The following PPA2 variants were observed in gnomAD, a reference collection of about 807,000 sequenced individuals.
PPA2 encodes inorganic pyrophosphatase 2, mitochondrial.
PPA2 carries 48 observed loss-of-function variants against 49.5 expected under a neutral mutation model. The ratio of observed to expected loss-of-function variants is 0.97; its 90% CI spans 0.77 to 1.23. The LOEUF is 1.23. Among genes scored for constraint, PPA2 ranks in the 50% most tolerant of loss-of-function variants. The pLI is 0.00. For missense variants in PPA2, 429 were observed against 410.1 expected (o/e 1.05, Z -0.40); for synonymous variants, 131 against 139.9 (o/e 0.94, Z 0.45).
At chr4:105,395,771 G>A (rs1734114682) in intron 9 of PPA2, among the ~76,000 whole-genome samples, 1 of 152,000 alleles carries the variant, frequency 6.6e-6, no homozygotes, top group African/African-American at 2.4e-5. Flanking sequence ...AAATCTATAT[G>A]GAATCTATAT....
At chr4:105,393,651 A>G (rs2713857) in intron 9 of PPA2, among the ~76,000 whole-genome samples, 1 of 151,470 alleles carries the variant, frequency 6.6e-6, no homozygotes, top group African/African-American at 2.4e-5. Flanking sequence ...AGAAGGGGAC[A>G]ATGTATCTGA....
At chr4:105,469,936 A>G (rs2298732) in intron 1 of PPA2, among the ~76,000 whole-genome samples, 126,090 of 152,256 alleles carry the variant, frequency 0.83, 52,492 homozygotes, top group Non-Finnish European at 0.85. Flanking sequence ...CCCAAATGAC[A>G]TAAAGAAAAC....
At chr4:105,473,753 T>G in intron 1 of PPA2, 141 bp downstream of exon 1, 1 of 1,236,112 alleles carries the variant, frequency 8.1e-7, no homozygotes, top group Non-Finnish European at 1.2e-6. Context: ...GGAAGTAAGG[T>G]GGCCTGGACC....
chr4:105,459,974 G>A (rs1008495069), intron 1 of PPA2, among the ~76,000 whole-genome samples: 11 of 152,308 alleles, frequency 7.2e-5, no homozygotes, highest in African/African-American at 2.4e-4. Context: ...TCTGTACTTT[G>A]TGATGCTGTT....
intron 7 of PPA2, among the ~76,000 whole-genome samples, chr4:105,410,792 G>A (rs1185113114): frequency 2.0e-5 from 3 of 152,284 alleles, no homozygotes; most frequent in South Asian, 4.1e-4. Context: ...TTTCAACCCA[G>A]AATTTCATAT....
At chr4:105,473,806 C>G (rs1346258124) in intron 1 of PPA2, 88 bp downstream of exon 1, 2 of 1,526,258 alleles carry the variant, frequency 1.3e-6, no homozygotes, top group Non-Finnish European at 8.9e-7. Flanking sequence ...GAAGGGAGAC[C>G]GCGCGGGGCG....
chr4:105,438,999 T>A (rs758350455), intron 5 of PPA2, among the ~76,000 whole-genome samples: 5 of 152,000 alleles, frequency 3.3e-5, no homozygotes, highest in Non-Finnish European at 7.4e-5. Context: ...TAACCTGGCC[T>A]AACTTTATCT....
chr4:105,464,558 T>C (rs553198236), intron 1 of PPA2, among the ~76,000 whole-genome samples: 1 of 152,294 alleles, frequency 6.6e-6, no homozygotes, highest in Admixed American at 6.5e-5. Context: ...CAGAATGATA[T>C]GGTTTGGCTG....
Position 105,373,102 on chromosome 4 carries a change from G to T in PPA2, c.940-2229C>A, listed in dbSNP as rs555904999. Among the ~76,000 whole-genome samples, 5 of 151,504 alleles carry T rather than the reference G, an allele frequency of 3.3e-5. No individual in the cohort carries two copies. The East Asian group carries it at 9.7e-4, about 30-fold the overall frequency. ...TTTCCTCCCACCTTGGTCTCCCAAA[G>T]TGCTAGGATAACAGGCATGAGCACC... On this transcript the variant is annotated intron_variant, in intron 10 of 11. Coordinates refer to ENST00000341695, the MANE Select transcript of PPA2 (RefSeq NM_176869.3).
At chr4:105,395,466 C>G (rs1734101897) in intron 9 of PPA2, among the ~76,000 whole-genome samples, 1 of 152,028 alleles carries the variant, frequency 6.6e-6, no homozygotes, top group Non-Finnish European at 1.5e-5. Context: ...GTACTTGTTA[C>G]TATAATTTCA....
intron 7 of PPA2, among the ~76,000 whole-genome samples, chr4:105,414,064 G>A (rs539501160): frequency 6.2e-4 from 95 of 152,212 alleles, no homozygotes; most frequent in African/African-American, 2.1e-3. Context: ...CAGAAGAGAA[G>A]ATACAAATAA....
intron 3 of PPA2, among the ~76,000 whole-genome samples, chr4:105,452,178 C>T (rs2110310420): frequency 6.6e-6 from 1 of 152,302 alleles, no homozygotes; most frequent in Middle Eastern, 3.4e-3. Flanking sequence ...CTTCTTTCCT[C>T]TCTAATCCTG....
intron 1 of PPA2, 79 bp from the exon 2 acceptor site, chr4:105,456,824 C>G (rs1281351542): frequency 9.3e-7 from 1 of 1,079,972 alleles, no homozygotes; most frequent in Non-Finnish European, 1.3e-6. Context: ...AATAAACATC[C>G]TTATCCACTT....
chr4:105,472,675 C>T (rs1458577444), intron 1 of PPA2, among the ~76,000 whole-genome samples: 2 of 152,074 alleles, frequency 1.3e-5, no homozygotes, highest in Non-Finnish European at 2.9e-5. Flanking sequence ...AAACTGCAAC[C>T]AATTTTGAAG....
intron 5 of PPA2, among the ~76,000 whole-genome samples, chr4:105,439,675 CA>C (rs1243353369): frequency 6.6e-6 from 1 of 150,832 alleles, no homozygotes; most frequent in Non-Finnish European, 1.5e-5. Flanking sequence ...GCATTTGTGA[CA>C]AATGCAATAA....
intron 9 of PPA2, 52 bp downstream of exon 9, chr4:105,396,197 G>T: frequency 1.7e-6 from 2 of 1,183,638 alleles, no homozygotes; most frequent in East Asian, 2.6e-5. Context: ...TTATGTGGCT[G>T]TTTAATACCA....
At chr4:105,444,867 T>C (rs1266105867) in intron 5 of PPA2, among the ~76,000 whole-genome samples, 1 of 152,208 alleles carries the variant, frequency 6.6e-6, no homozygotes, top group African/African-American at 2.4e-5. Context: ...AATTGATTAC[T>C]ACATGTTACA....
chr4:105,450,798 A>G (rs979992057), intron 3 of PPA2, among the ~76,000 whole-genome samples: 2 of 151,870 alleles, frequency 1.3e-5, no homozygotes, highest in Admixed American at 1.3e-4. Flanking sequence ...TAGTAGAGAC[A>G]GGGTTTCACT....
chr4:105,382,691 A>T (rs972508813), intron 10 of PPA2, among the ~76,000 whole-genome samples: 5 of 152,124 alleles, frequency 3.3e-5, no homozygotes, highest in African/African-American at 1.2e-4. Context: ...TTAAAAAAAT[A>T]AAAAAACTTT....
Sources: allele counts gnomAD v4.1 joint callset (sites outside exome capture counted in the v4.1 genomes callset), GRCh38; gene constraint gnomAD v4.1.1; transcripts MANE v1.5; gene names NCBI Gene and HGNC (gene_info 2026-07-23, HGNC 2026-07-21).